SH3BGRL2: variants seen among roughly 807,000 people sequenced by gnomAD.
SH3BGRL2 encodes the protein SH3 domain binding glutamate rich protein like 2, also known as SH3 domain-binding glutamic acid-rich-like protein 2.
SH3BGRL2 carries 21 observed loss-of-function variants against 14.8 expected under a neutral mutation model. The observed-to-expected ratio is 1.42, with a 90% CI of 1.01 to 2.05. The LOEUF (loss-of-function observed/expected upper bound fraction) is 2.05. Among genes scored for constraint, SH3BGRL2 ranks in the 30% most tolerant of loss-of-function variants. SH3BGRL2 has a pLI of 0.00. For missense variants in SH3BGRL2, 147 were observed against 130.8 expected (o/e 1.12, Z -0.61); for synonymous variants, 50 against 47.8 (o/e 1.05, Z -0.19).
At chr6:79,560,178 A>G in the SH3BGRL2 span, among the ~76,000 whole-genome samples, 1 of 152,190 alleles carries the variant, frequency 6.6e-6, no homozygotes, top group Non-Finnish European at 1.5e-5. Context: ...TTCGAATATG[A>G]CCTAAACAAA....
At chr6:79,632,986 T>C (rs1270900631) in intron 1 of SH3BGRL2, among the ~76,000 whole-genome samples, 1 of 152,226 alleles carries the variant, frequency 6.6e-6, no homozygotes, top group African/African-American at 2.4e-5. Context: ...CCACAAGAGA[T>C]AAAGCCTAGG....
the SH3BGRL2 span, among the ~76,000 whole-genome samples, chr6:79,608,155 C>T: frequency 4.6e-5 from 7 of 152,120 alleles, no homozygotes; most frequent in Non-Finnish European, 1.0e-4. Flanking sequence ...CTCACTATCA[C>T]GAAAACAGCA....
chr6:79,560,887 T>C, the SH3BGRL2 span, among the ~76,000 whole-genome samples: 2 of 139,306 alleles, frequency 1.4e-5, no homozygotes, highest in African/African-American at 5.4e-5. Flanking sequence ...TTTTTTTTTT[T>C]TTTTTTTTTT....
At chr6:79,665,866 G>C (rs902594110) in intron 1 of SH3BGRL2, among the ~76,000 whole-genome samples, 1 of 152,178 alleles carries the variant, frequency 6.6e-6, no homozygotes, top group African/African-American at 2.4e-5. Flanking sequence ...TCTTTTGTAA[G>C]TCAGCCTCTT....
At chr6:79,631,869 C>A (rs1322257799) in intron 1 of SH3BGRL2, among the ~76,000 whole-genome samples, 1 of 152,186 alleles carries the variant, frequency 6.6e-6, no homozygotes, top group Non-Finnish European at 1.5e-5. Flanking sequence ...CGATTTGGGA[C>A]CTTCAGACTG....
the SH3BGRL2 span, among the ~76,000 whole-genome samples, chr6:79,571,810 TA>T: frequency 6.6e-6 from 1 of 152,234 alleles, no homozygotes; most frequent in Non-Finnish European, 1.5e-5. Flanking sequence ...TATACTTGGT[TA>T]CATACTATAT....
the SH3BGRL2 span, among the ~76,000 whole-genome samples, chr6:79,589,166 A>G: frequency 1.3e-5 from 2 of 150,144 alleles, no homozygotes; most frequent in Admixed American, 1.3e-4. Flanking sequence ...AGGTCTGTAC[A>G]TGTTCAGTAC....
At chr6:79,642,781 G>C (rs1769057788) in intron 1 of SH3BGRL2, among the ~76,000 whole-genome samples, 1 of 152,202 alleles carries the variant, frequency 6.6e-6, no homozygotes. Context: ...TGCCTTGTCT[G>C]TCACCCCAAA....
chr6:79,555,548 G>T, the SH3BGRL2 span, among the ~76,000 whole-genome samples: 1 of 152,290 alleles, frequency 6.6e-6, no homozygotes, highest in South Asian at 2.1e-4. Context: ...GTCTCAATCT[G>T]TCGCCAGGCT....
chr6:79,621,526 A>C, the SH3BGRL2 span, among the ~76,000 whole-genome samples: 20 of 152,170 alleles, frequency 1.3e-4, no homozygotes, highest in African/African-American at 4.6e-4. Flanking sequence ...AAATAAACTC[A>C]TGTTGTTTAT....
intron 2 of SH3BGRL2, among the ~76,000 whole-genome samples, chr6:79,682,196 G>A (rs1770001407): frequency 6.6e-6 from 1 of 152,158 alleles, no homozygotes; most frequent in African/African-American, 2.4e-5. Flanking sequence ...TGCAAGTACA[G>A]GAAGTTTGAC....
At chr6:79,678,297 G>GC (rs967226358) in intron 2 of SH3BGRL2, among the ~76,000 whole-genome samples, 2 of 151,904 alleles carry the variant, frequency 1.3e-5, no homozygotes, top group Non-Finnish European at 2.9e-5. Flanking sequence ...ACTCCCCTTT[G>GC]CCCCCTTCCT....
At chr6:79,631,148 G>A (rs1216546078), upstream of SH3BGRL2, 2 of 314,362 alleles carry the variant, frequency 6.4e-6, no homozygotes, top group Non-Finnish European at 5.8e-6. Context: ...CCACCTGCGC[G>A]TGTTCGGGAT....
At chr6:79,642,735 C>A (rs1270298161) in intron 1 of SH3BGRL2, among the ~76,000 whole-genome samples, 1 of 152,134 alleles carries the variant, frequency 6.6e-6, no homozygotes, top group Non-Finnish European at 1.5e-5. Context: ...ATATGAAACA[C>A]CAAGTTGAAT....
upstream of SH3BGRL2, among the ~76,000 whole-genome samples, chr6:79,628,263 T>C (rs1768765833): frequency 3.3e-5 from 5 of 152,028 alleles, no homozygotes; most frequent in Non-Finnish European, 4.4e-5. Flanking sequence ...TTTCAAATTT[T>C]CTATATTTAG....
chr6:79,640,436 C>T (rs1769008160), intron 1 of SH3BGRL2, among the ~76,000 whole-genome samples: 1 of 152,180 alleles, frequency 6.6e-6, no homozygotes, highest in Admixed American at 6.5e-5. Flanking sequence ...GAATGGAAAG[C>T]TGAACTCAGA....
intron 1 of SH3BGRL2, among the ~76,000 whole-genome samples, chr6:79,657,626 T>C (rs1267691518): frequency 6.6e-6 from 1 of 152,106 alleles, no homozygotes; most frequent in East Asian, 1.9e-4. Flanking sequence ...TTTTTAATTT[T>C]TTTTTTTGAG....
At chr6:79,586,884 G>T in the SH3BGRL2 span, among the ~76,000 whole-genome samples, 1 of 152,218 alleles carries the variant, frequency 6.6e-6, no homozygotes, top group African/African-American at 2.4e-5. Flanking sequence ...AAAAGGTGTT[G>T]TGTGGGCCAA....
chr6:79,644,915 T>G (rs561397149), intron 1 of SH3BGRL2, among the ~76,000 whole-genome samples: 1 of 152,192 alleles, frequency 6.6e-6, no homozygotes, highest in South Asian at 2.1e-4. Context: ...ATCCCAGCAC[T>G]TTGGGAGGCC....
Sources: gnomAD v4.1 joint callset for allele counts (sites outside exome capture counted in the v4.1 genomes callset) on GRCh38, gnomAD v4.1.1 for gene constraint, MANE v1.5 for transcripts, NCBI Gene and HGNC (gene_info 2026-07-23, HGNC 2026-07-21) for gene names.